ADGRB3: variants seen among roughly 807,000 people sequenced by gnomAD.
ADGRB3 encodes the protein brain-specific angiogenesis inhibitor 3.
A neutral mutation model predicts 193.4 loss-of-function variants in ADGRB3; 37 were observed. The observed-to-expected ratio is 0.19, with a 90% CI of 0.15 to 0.25. The LOEUF is 0.25. ADGRB3 is among the 10% of genes least tolerant of loss of function. The pLI is 1.00. For missense variants in ADGRB3, 1,637 were observed against 1,852.9 expected (o/e 0.88, Z 2.14); for synonymous variants, 690 against 644.2 (o/e 1.07, Z -1.08).
At chr6:69,225,449 T>TCACTGTGTCTAGTCCTCA (rs1229533273) in intron 17 of ADGRB3, among the ~76,000 whole-genome samples, 1 of 152,236 alleles carries the variant, frequency 6.6e-6, no homozygotes, top group Non-Finnish European at 1.5e-5. Context: ...CTGTGCTCTC[T>TCACTGTGTCTAGTCCTCA]CACTGTGTCT....
chr6:68,870,267 G>A (rs1193149527), intron 3 of ADGRB3, among the ~76,000 whole-genome samples: 1 of 152,118 alleles, frequency 6.6e-6, no homozygotes, highest in Non-Finnish European at 1.5e-5. Flanking sequence ...AAAATTCTTA[G>A]AACTCATCTG....
chr6:69,154,133 A>G (rs1774764153), intron 17 of ADGRB3, among the ~76,000 whole-genome samples: 1 of 141,354 alleles, frequency 7.1e-6, no homozygotes, highest in Admixed American at 7.4e-5. Flanking sequence ...GTCAATTTCT[A>G]TATATGCACT....
chr6:68,928,931 G>A (rs1472749962), intron 3 of ADGRB3, among the ~76,000 whole-genome samples: 1 of 152,052 alleles, frequency 6.6e-6, no homozygotes, highest in Non-Finnish European at 1.5e-5. Flanking sequence ...CATTCTAATT[G>A]CATATAATAT....
At chr6:68,963,264 A>G (rs1220648173) in intron 8 of ADGRB3, among the ~76,000 whole-genome samples, 1 of 152,130 alleles carries the variant, frequency 6.6e-6, no homozygotes, top group Non-Finnish European at 1.5e-5. Flanking sequence ...GCAGAAGATT[A>G]TTTCAAGGAT....
rs962348247 is a variant in ADGRB3 at position 68,780,608 on chromosome 6, C to T, written c.757+141176C>T. ...TGTAAGAACTCCATTTTCAGTTTCA[C>T]GTAGACAGTCCTTACGAGGCTATAA... On this transcript the variant is annotated intron_variant, in intron 3 of 31. Transcript: ENST00000370598. Among the ~76,000 whole-genome samples the T allele has an allele frequency of 2.6e-5, 4 of 152,070 alleles. No individual in the cohort carries two copies. In the East Asian group the frequency reaches 5.8e-4, roughly 22 times the overall value.
intron 17 of ADGRB3, among the ~76,000 whole-genome samples, chr6:69,202,309 G>C (rs1765441754): frequency 6.6e-6 from 1 of 151,958 alleles, no homozygotes; most frequent in Non-Finnish European, 1.5e-5. Context: ...ATCTAGGAAG[G>C]GTTACTAAAA....
intron 3 of ADGRB3, among the ~76,000 whole-genome samples, chr6:68,753,028 A>G (rs1766231114): frequency 6.6e-6 from 1 of 152,180 alleles, no homozygotes; most frequent in Non-Finnish European, 1.5e-5. Context: ...GTACCTGTGG[A>G]AGATGTTAAT....
intron 11 of ADGRB3, among the ~76,000 whole-genome samples, chr6:68,996,270 A>G (rs1222712797): frequency 3.9e-5 from 6 of 151,988 alleles, no homozygotes; most frequent in Non-Finnish European, 7.4e-5. Context: ...CACTACTGTC[A>G]TCCAGGTCAG....
chr6:69,267,534 G>A (rs527498215), intron 20 of ADGRB3, among the ~76,000 whole-genome samples: 59 of 151,400 alleles, frequency 3.9e-4, no homozygotes, highest in African/African-American at 1.4e-3. Flanking sequence ...GTTTAAAAAG[G>A]GAAAATACAA....
intron 11 of ADGRB3, among the ~76,000 whole-genome samples, chr6:69,008,096 A>T (rs568700164): frequency 1.3e-5 from 2 of 152,164 alleles, no homozygotes; most frequent in African/African-American, 2.4e-5. Flanking sequence ...GCATAATTAC[A>T]TTTTAAAGGC....
intron 3 of ADGRB3, among the ~76,000 whole-genome samples, chr6:68,879,129 G>A (rs2150223489): frequency 6.6e-6 from 1 of 151,708 alleles, no homozygotes; most frequent in Middle Eastern, 3.4e-3. Context: ...GAAATTTTTA[G>A]AGGCTTGAAT....
intron 3 of ADGRB3, among the ~76,000 whole-genome samples, chr6:68,924,693 A>G (rs754459343): frequency 2.6e-5 from 4 of 151,960 alleles, no homozygotes; most frequent in Non-Finnish European, 4.4e-5. Context: ...CAGCTACCCA[A>G]CGAAATCATT....
intron 17 of ADGRB3, among the ~76,000 whole-genome samples, chr6:69,103,066 T>A (rs1236441132): frequency 2.6e-5 from 4 of 152,108 alleles, no homozygotes; most frequent in Non-Finnish European, 5.9e-5. Context: ...ACCATGGTAA[T>A]CTCAAAATTA....
At chr6:69,030,987 TTTTC>T (rs547884748) in intron 13 of ADGRB3, among the ~76,000 whole-genome samples, 4,606 of 126,314 alleles carry the variant, frequency 0.036, 921 homozygotes, top group Middle Eastern at 0.12. Context: ...TTTTCTTTTC[TTTTC>T]TTTCTTTTCC....
chr6:68,715,059 T>C (rs983179603), intron 3 of ADGRB3, among the ~76,000 whole-genome samples: 8 of 151,870 alleles, frequency 5.3e-5, no homozygotes, highest in African/African-American at 1.9e-4. Flanking sequence ...ATAGCTTTGA[T>C]TCATGACAAA....
At chr6:69,065,375 C>T (rs1771871392) in intron 16 of ADGRB3, among the ~76,000 whole-genome samples, 1 of 152,152 alleles carries the variant, frequency 6.6e-6, no homozygotes. Flanking sequence ...CTGAGCCTCT[C>T]TGGGCTGCTC....
rs1217029511 is a variant in ADGRB3 at position 68,734,285 on chromosome 6, G to T, written c.757+94853G>T. ...GAGGAATGTAGAATACAGGTGGAAA[G>T]GAGCAAGGACATCTCCCTTGCCTCT... is the stretch of plus-strand genomic sequence containing the variant. On this transcript the variant is annotated intron_variant, in intron 3 of 31. Transcript: ENST00000370598. Among the ~76,000 whole-genome samples, 5 of 152,048 alleles carry T rather than the reference G, an allele frequency of 3.3e-5. No homozygotes were observed. In the South Asian group the frequency reaches 8.3e-4, roughly 25 times the overall value.
At chr6:68,800,973 T>A (rs1767299497) in intron 3 of ADGRB3, among the ~76,000 whole-genome samples, 1 of 152,152 alleles carries the variant, frequency 6.6e-6, no homozygotes, top group South Asian at 2.1e-4. Flanking sequence ...CCTTATAAAC[T>A]GTTTAATATA....
At chr6:69,106,407 G>A (rs1773217764) in intron 17 of ADGRB3, among the ~76,000 whole-genome samples, 1 of 152,012 alleles carries the variant, frequency 6.6e-6, no homozygotes, top group South Asian at 2.1e-4. Context: ...TTATATTTCT[G>A]CACCTCTATT....
Sources: allele counts gnomAD v4.1 joint callset (sites outside exome capture counted in the v4.1 genomes callset), GRCh38; gene constraint gnomAD v4.1.1; transcripts MANE v1.5; gene names NCBI Gene and HGNC (gene_info 2026-07-23, HGNC 2026-07-21).